MLH3: variants seen among roughly 807,000 people sequenced by gnomAD.
MLH3 encodes the protein mutL homolog 3.
In MLH3, 82 loss-of-function variants were observed where a neutral mutation model predicts 122.2. The ratio of observed to expected loss-of-function variants is 0.67; its 90% CI spans 0.56 to 0.81. The LOEUF (loss-of-function observed/expected upper bound fraction) is 0.81, where lower values mean the gene tolerates loss of function less well. MLH3 is among the 30% of genes least tolerant of loss of function. MLH3 has a pLI of 0.00. For missense variants in MLH3, 1,539 were observed against 1,714.5 expected, an observed-to-expected ratio of 0.90 and a Z score of 1.81; for synonymous variants, 524 against 599.5, an observed-to-expected ratio of 0.87 and a Z score of 1.84.
At position 75,047,493 on chromosome 14, in the gene MLH3, T is replaced by C; in HGVS notation, c.2163A>G (p.Arg721=). The change falls in exon 2 of 13, where the codon AGA becomes AGG. Residue 721 remains arginine, a synonymous_variant. Coordinates refer to ENST00000355774, the MANE Select transcript of MLH3 (RefSeq NM_001040108.2). ...TTTTCCTACTATCATTGGAAACGTG[T>C]CTATACCAGGGGAAAGAGGGGGATG... The part of the protein sequence containing the change: ...SDTSPSFPWY[R]HVSNDSRKTD... 1 of 1,614,176 alleles carries C rather than the reference T, an allele frequency of 6.2e-7. No homozygotes were observed.
chr14:75,037,439 G>A (rs924212599), intron 6 of MLH3, among the ~76,000 whole-genome samples: 2 of 151,258 alleles, frequency 1.3e-5, no homozygotes, highest in African/African-American at 4.9e-5. Flanking sequence ...GTATCCCTAG[G>A]GCCTGGTACA....
chr14:75,020,965 C>T (rs895199924), intron 11 of MLH3: 1 of 152,134 alleles, frequency 6.6e-6, no homozygotes, highest in East Asian at 1.9e-4. Context: ...CAACCTCTAC[C>T]TCCTGGTTTC....
rs575329147 is a variant in MLH3, at chr14:75,048,547, C to G, written c.1109G>C (p.Gly370Ala). 1.7e-5 allele frequency: 28 copies of G among 1,613,094 alleles called. No individual in the cohort carries two copies. The highest frequency in any genetic ancestry group is 2.3e-5 in the Non-Finnish European group (27 of 1,179,690). ...AAGAGTAGCATCAAATAAACTAAAA[C>G]CATTATCTTCACTAAATTCCTTAAT... ...EDIKEFSEDN[G>A]FSLFDATLQK... is the part of the protein sequence containing the mutation. The change falls in exon 2 of 13, where the codon GGT becomes GCT. Residue 370 changes from glycine (G) to alanine (A), a missense_variant. Transcript: ENST00000355774.
chr14:75,033,019 C>A (rs1891156582), intron 7 of MLH3, among the ~76,000 whole-genome samples: 1 of 151,422 alleles, frequency 6.6e-6, no homozygotes, highest in Admixed American at 6.6e-5. Flanking sequence ...CAAAAGCAAA[C>A]TAAATTTTAA....
In MLH3 at chr14:75,046,858, C is replaced by T. The variant is rs780801367; in HGVS notation, c.2798G>A (p.Gly933Asp). The T allele has an allele frequency of 6.8e-6, 11 of 1,613,874 alleles. No individual in the cohort carries two copies. Among genetic ancestry groups the T allele is most frequent in the Non-Finnish European group, 7.6e-6 (9 of 1,180,026 alleles). The change falls in exon 2 of 13, where the codon GGT (glycine) becomes GAT (aspartate). Residue 933 changes from glycine (G) to aspartate (D), a missense_variant. Physicochemically the swap from Gly to Asp is moderately conservative, Grantham distance 94 (BLOSUM62 -1). Transcript: ENST00000355774. The stretch of plus-strand genomic sequence containing the variant: ...GGCAGAATCTGATGTTGGGATGACA[C>T]CATTCTCTGTTTTTTCATGCTTGTT... The part of the protein sequence containing the change: ...FNNKHEKTEN[G>D]VIPTSDSATQ...
At chr14:75,019,466 G>C (rs541826380) in intron 11 of MLH3, among the ~76,000 whole-genome samples, 1 of 150,332 alleles carries the variant, frequency 6.7e-6, no homozygotes, top group African/African-American at 2.4e-5. Context: ...TATGACCATG[G>C]ATGAAACTAA....
chr14:75,019,333 C>T (rs1055935891), intron 11 of MLH3, among the ~76,000 whole-genome samples: 3 of 148,818 alleles, frequency 2.0e-5, no homozygotes, highest in South Asian at 2.1e-4. Flanking sequence ...TCACTTGAAC[C>T]CAGGAGGCGG....
chr14:75,036,124 T>C (rs175072), intron 6 of MLH3, among the ~76,000 whole-genome samples: 70,748 of 152,006 alleles, frequency 0.47, 17,054 homozygotes, highest in African/African-American at 0.56. Context: ...CTAGCTGTTC[T>C]TTCACAGTCT....
intron 12 of MLH3, among the ~76,000 whole-genome samples, chr14:75,017,460 G>A (rs1889966244): frequency 6.6e-6 from 1 of 152,020 alleles, no homozygotes; most frequent in Admixed American, 6.5e-5. Context: ...AGAATTGATT[G>A]AACCTGGGAG....
intron 1 of MLH3, chr14:75,050,861 C>G (rs1892607939): frequency 6.6e-6 from 1 of 152,232 alleles, no homozygotes; most frequent in Non-Finnish European, 1.5e-5. Flanking sequence ...CCCTAAGATT[C>G]CAGTGCCATT....
Position 75,048,157 on chromosome 14 carries a change from G to T in MLH3, c.1499C>A (p.Pro500Gln), listed in dbSNP as rs749032216. The change falls in exon 2 of 13, where the codon CCG becomes CAG. Residue 500 changes from proline (P) to glutamine (Q), a missense_variant. Pro to Gln is a moderately conservative substitution (Grantham distance 76). Coordinates refer to ENST00000355774, the MANE Select transcript of MLH3 (RefSeq NM_001040108.2). ...AAACATTTCTAAACTGGTTCCACAC[G>T]GATTTTCTAAAGAGCTATGTTCCAG... ...SFLEHSSLENPCGTSLEMFLS... is the reference protein window; with the variant it reads ...SFLEHSSLENQCGTSLEMFLS... The T allele has an allele frequency of 6.2e-7, 1 of 1,614,056 alleles. No individual in the cohort carries two copies. The highest frequency in any genetic ancestry group is 8.5e-7 in the Non-Finnish European group (1 of 1,179,978).
In MLH3 at chr14:75,048,599, A is replaced by T. The variant is rs1892434431; in HGVS notation, c.1057T>A (p.Leu353Ile). Residue 353 changes from leucine (L) to isoleucine (I), a missense_variant, in exon 2 of 13, where the codon TTA (leucine) becomes ATA (isoleucine). By Grantham distance (5) the Leu-to-Ile change is conservative. Transcript: ENST00000355774. Reference protein sequence around the residue: ...GVKMFLKQEKLFVELSGEDIK... With the variant: ...GVKMFLKQEKIFVELSGEDIK... ...TCCTCACCTGATAATTCCACAAATA[A>T]TTTTTCTTGCTTTAAAAACATTTTC... The T allele has an allele frequency of 6.2e-7, 1 of 1,613,866 alleles. No individual in the cohort carries two copies. Among genetic ancestry groups the T allele is most frequent in the Non-Finnish European group, 8.5e-7 (1 of 1,179,996 alleles).
At position 75,015,548 on chromosome 14, in the gene MLH3, C is replaced by T; in HGVS notation, c.*1534G>A. 1 of 183,650 alleles carries T rather than the reference C, an allele frequency of 5.4e-6. No homozygotes were observed. 11.4% of individuals were successfully genotyped at this position (183,650 alleles called of 1,614,324 possible). A position where few individuals can be genotyped will look rare whatever the true frequency, so the allele number is the denominator to read the frequency against. The stretch of plus-strand genomic sequence containing the variant: ...CCTGAGGCCACACTGCCACACTGGG[C>T]CTGGAGGCAGAGCCCCTGACAGCCT... On this transcript the variant is annotated 3_prime_UTR_variant, in exon 13 of 13. Transcript: ENST00000355774.
At chr14:75,036,359 T>A (rs992758944) in intron 6 of MLH3, among the ~76,000 whole-genome samples, 75 of 149,892 alleles carry the variant, frequency 5.0e-4, no homozygotes, top group South Asian at 8.4e-4. Context: ...TTTTATTTTA[T>A]TTTTTTGACA....
rs175050 is a variant in MLH3 at position 75,017,354 on chromosome 14, T to C, written c.4243-153A>G. ...GAGTTTGAGACCAGCCTGGCCAATA[T>C]GGTGAAACCCTGTCTCTACTAAAAA... is the stretch of plus-strand genomic sequence containing the variant. On this transcript the variant is annotated intron_variant, in intron 12 of 12. Coordinates refer to ENST00000355774, the MANE Select transcript of MLH3 (RefSeq NM_001040108.2). Among the ~76,000 whole-genome samples the C allele has an allele frequency of 0.99, 150,306 of 152,150 alleles. 74,259 individuals carry two copies. The highest frequency in any genetic ancestry group is 1 in the East Asian group (5,174 of 5,174).
At chr14:75,042,028 C>G (rs1891890390) in intron 3 of MLH3, among the ~76,000 whole-genome samples, 1 of 152,182 alleles carries the variant, frequency 6.6e-6, no homozygotes. Context: ...TTTAAACATA[C>G]ACACAAAATT....
intron 12 of MLH3, 51 bp downstream of exon 12, chr14:75,018,778 A>G (rs1337674278): frequency 6.3e-7 from 1 of 1,591,212 alleles, no homozygotes. Context: ...GCCAGAAAAG[A>G]AAGAGAAAAT....
At chr14:75,042,572 T>G in intron 2 of MLH3, 95 bp from the exon 3 acceptor site, 1 of 899,800 alleles carries the variant, frequency 1.1e-6, no homozygotes, top group South Asian at 1.4e-5. Context: ...CTGCACAAAC[T>G]GAGTCAAGAC....
chr14:75,030,058 G>A (rs1273037527), intron 9 of MLH3, among the ~76,000 whole-genome samples: 2 of 152,114 alleles, frequency 1.3e-5, no homozygotes, highest in East Asian at 3.9e-4. Context: ...GGAGGCTGAG[G>A]CAGGAAGATT....
Sources: gnomAD v4.1 joint callset for allele counts (sites outside exome capture counted in the v4.1 genomes callset) on GRCh38, gnomAD v4.1.1 for gene constraint, MANE v1.5 for transcripts, NCBI Gene and HGNC (gene_info 2026-07-23, HGNC 2026-07-21) for gene names.